Variants in TSPAN12 observed in about 807,000 individuals in gnomAD.
The protein encoded by TSPAN12 is tetraspanin 12.
Under a neutral mutation model 39.2 loss-of-function variants are expected in TSPAN12, and 19 were observed. The ratio of observed to expected loss-of-function variants is 0.49; its 90% CI spans 0.34 to 0.71. TSPAN12 has a LOEUF of 0.71. TSPAN12 is among the 30% of genes least tolerant of loss of function. The pLI is 0.01. For synonymous variants in TSPAN12, 119 were observed against 124.8 expected (o/e 0.95, Z 0.31); for missense variants, 314 against 359.9 (o/e 0.87, Z 1.03).
rs1280848586 is a variant in TSPAN12 at position 120,858,018 on chromosome 7, C to G, written c.-269G>C. The G allele has an allele frequency of 6.6e-6, 1 of 152,618 alleles. No homozygotes were observed. Among genetic ancestry groups the G allele is most frequent in the Non-Finnish European group, 1.5e-5 (1 of 68,940 alleles). The allele number at this position is 152,618 out of a possible 1,614,324, so 9.5% of individuals were successfully genotyped here. On this transcript the variant is annotated 5_prime_UTR_variant, in exon 1 of 8. Transcript: ENST00000222747. Reference sequence around the variant, plus strand: ...GAAAAAGAAAAAAAAAAAAAAAAGTCCTGGGCAGCAGTTGCTGGAAAGTCT... The same window carrying G: ...GAAAAAGAAAAAAAAAAAAAAAAGTGCTGGGCAGCAGTTGCTGGAAAGTCT...
At chr7:120,790,926 G>A (rs1206873463) in intron 7 of TSPAN12, among the ~76,000 whole-genome samples, 2 of 152,146 alleles carry the variant, frequency 1.3e-5, no homozygotes, top group African/African-American at 2.4e-5. Context: ...ATGTTTAGCT[G>A]ATTCCTTACC....
At chr7:120,834,753 A>G (rs1426439723) in intron 4 of TSPAN12, among the ~76,000 whole-genome samples, 2 of 152,222 alleles carry the variant, frequency 1.3e-5, no homozygotes, top group Non-Finnish European at 2.9e-5. Flanking sequence ...GCTTGTTTAA[A>G]TATTTACATC....
chr7:120,846,113 G>T (rs1295279559), intron 2 of TSPAN12, among the ~76,000 whole-genome samples: 1 of 152,118 alleles, frequency 6.6e-6, no homozygotes, highest in Non-Finnish European at 1.5e-5. Flanking sequence ...GAGAGAGAAG[G>T]GGGAGGTGCT....
chr7:120,811,512 C>CA (rs924148175), intron 5 of TSPAN12, among the ~76,000 whole-genome samples: 23 of 150,350 alleles, frequency 1.5e-4, no homozygotes, highest in South Asian at 4.2e-4. Flanking sequence ...ACTAAAAATA[C>CA]AAAAAAAAAT....
At chr7:120,857,031 G>GA in intron 1 of TSPAN12, 198 bp from the exon 2 acceptor site, 1 of 551,834 alleles carries the variant, frequency 1.8e-6, no homozygotes, top group Non-Finnish European at 3.3e-6. Flanking sequence ...ACCGGCTTCA[G>GA]ATAACACCTG....
chr7:120,797,424 G>GC (rs560560449), intron 7 of TSPAN12, among the ~76,000 whole-genome samples: 186 of 152,352 alleles, frequency 1.2e-3, no homozygotes, highest in African/African-American at 4.0e-3. Context: ...GAGCTGCCTG[G>GC]CAGCATAGAC....
intron 2 of TSPAN12, among the ~76,000 whole-genome samples, chr7:120,856,156 T>A (rs1338960519): frequency 6.6e-6 from 1 of 152,156 alleles, no homozygotes; most frequent in African/African-American, 2.4e-5. Flanking sequence ...AACTTAGAAT[T>A]AGTTACATAA....
chr7:120,811,869 G>A (rs535410754), intron 5 of TSPAN12, among the ~76,000 whole-genome samples: 16 of 152,092 alleles, frequency 1.1e-4, no homozygotes, highest in African/African-American at 2.7e-4. Context: ...AAAGCCATAA[G>A]AATAATACAA....
intron 2 of TSPAN12, among the ~76,000 whole-genome samples, chr7:120,844,565 T>G (rs530121382): frequency 6.6e-6 from 1 of 152,336 alleles, no homozygotes; most frequent in Admixed American, 6.5e-5. Context: ...ACAGGCCCCA[T>G]GCAAGTCCCA....
chr7:120,832,196 T>C (rs894247053), intron 4 of TSPAN12, among the ~76,000 whole-genome samples: 19 of 152,114 alleles, frequency 1.2e-4, no homozygotes, highest in African/African-American at 3.9e-4. Context: ...ACTTAGTTCA[T>C]ACCCTTATCC....
At chr7:120,807,274 G>C (rs1006551837) in intron 6 of TSPAN12, among the ~76,000 whole-genome samples, 4 of 152,058 alleles carry the variant, frequency 2.6e-5, no homozygotes, top group African/African-American at 9.7e-5. Flanking sequence ...TGAAATAAAT[G>C]TTCATATTCT....
chr7:120,800,524 C>T (rs1210963590), intron 7 of TSPAN12, among the ~76,000 whole-genome samples: 1 of 152,088 alleles, frequency 6.6e-6, no homozygotes, highest in Non-Finnish European at 1.5e-5. Flanking sequence ...CAGTACGAAT[C>T]TTGTTAGGTA....
intron 4 of TSPAN12, among the ~76,000 whole-genome samples, chr7:120,817,097 A>G (rs1180835330): frequency 6.6e-6 from 1 of 152,086 alleles, no homozygotes; most frequent in Non-Finnish European, 1.5e-5. Flanking sequence ...GATTTGGCTA[A>G]GCGTGGTGGC....
At chr7:120,857,627 G>C in intron 1 of TSPAN12, among the ~76,000 whole-genome samples, 193 bp downstream of exon 1, 1 of 152,088 alleles carries the variant, frequency 6.6e-6, no homozygotes, top group Non-Finnish European at 1.5e-5. Flanking sequence ...AGCCGCCCGC[G>C]GAGCACAAAG....
chr7:120,830,793 CAT>C (rs938776057), intron 4 of TSPAN12, among the ~76,000 whole-genome samples: 2 of 151,884 alleles, frequency 1.3e-5, no homozygotes, highest in African/African-American at 4.8e-5. Flanking sequence ...GAAATAGACA[CAT>C]GAGAAAATAT....
At chr7:120,814,416 C>G (rs564126471) in intron 5 of TSPAN12, among the ~76,000 whole-genome samples, 1 of 152,114 alleles carries the variant, frequency 6.6e-6, no homozygotes, top group Non-Finnish European at 1.5e-5. Flanking sequence ...AGCCCAATAA[C>G]GCATATTTTT....
intron 4 of TSPAN12, among the ~76,000 whole-genome samples, chr7:120,830,911 C>G (rs1408266469): frequency 2.6e-5 from 4 of 151,858 alleles, no homozygotes; most frequent in African/African-American, 9.6e-5. Context: ...GACTAATATC[C>G]AAAACATAAA....
At chr7:120,814,145 C>T (rs900660912) in intron 5 of TSPAN12, 1 of 454,700 alleles carries the variant, frequency 2.2e-6, no homozygotes, top group African/African-American at 2.0e-5. Flanking sequence ...TCAAAACAGT[C>T]TCGAAGCACA....
chr7:120,852,608 G>GTGTGCA (rs1222698967), intron 2 of TSPAN12, among the ~76,000 whole-genome samples: 1 of 152,176 alleles, frequency 6.6e-6, no homozygotes, highest in African/African-American at 2.4e-5. Flanking sequence ...AGATCTCCAG[G>GTGTGCA]TGTGCATGCA....
Sources: allele counts gnomAD v4.1 joint callset (sites outside exome capture counted in the v4.1 genomes callset), GRCh38; gene constraint gnomAD v4.1.1; transcripts MANE v1.5; gene names NCBI Gene and HGNC (gene_info 2026-07-23, HGNC 2026-07-21).